Variants in CNTN4 observed in about 807,000 individuals in gnomAD.
CNTN4 encodes the protein contactin 4, also known as contactin-4.
CNTN4 carries 77 observed loss-of-function variants against 122.5 expected under a neutral mutation model. That is an observed-to-expected ratio of 0.63 (90% CI 0.52 to 0.76). CNTN4 has a LOEUF of 0.76. Ranked by LOEUF, CNTN4 falls within the 30% of genes least tolerant of loss-of-function variation. The pLI, the probability that CNTN4 is intolerant of heterozygous loss-of-function variation, is 0.00. For synonymous variants in CNTN4, 512 were observed against 447.0 expected, an observed-to-expected ratio of 1.15 and a Z score of -1.83; for missense variants, 1,256 against 1,259.1, an observed-to-expected ratio of 1.00 and a Z score of 0.04.
chr3:3,010,164 C>T (rs1320695832), intron 14 of CNTN4, among the ~76,000 whole-genome samples: 1 of 151,900 alleles, frequency 6.6e-6, no homozygotes, highest in Admixed American at 6.6e-5. Context: ...AAGTAAAATC[C>T]CAGAATACTT....
At chr3:2,310,171 G>A (rs2042861886) in intron 2 of CNTN4, among the ~76,000 whole-genome samples, 1 of 152,084 alleles carries the variant, frequency 6.6e-6, no homozygotes, top group Non-Finnish European at 1.5e-5. Flanking sequence ...TACGATAAGG[G>A]GAAAGAGTAT....
At chr3:3,007,918 A>T (rs930323055) in intron 14 of CNTN4, among the ~76,000 whole-genome samples, 2 of 152,224 alleles carry the variant, frequency 1.3e-5, no homozygotes, top group Non-Finnish European at 2.9e-5. Context: ...AAGCAAGGAC[A>T]CATGTCAACA....
At chr3:2,879,476 G>A (rs1475893495) in intron 8 of CNTN4, among the ~76,000 whole-genome samples, 1 of 152,218 alleles carries the variant, frequency 6.6e-6, no homozygotes, top group Non-Finnish European at 1.5e-5. Flanking sequence ...GAAGGAAAAT[G>A]TGGCATATCC....
intron 4 of CNTN4, among the ~76,000 whole-genome samples, chr3:2,726,140 CTCT>C (rs1246931679): frequency 1.3e-5 from 2 of 152,066 alleles, no homozygotes; most frequent in Non-Finnish European, 2.9e-5. Context: ...TTTTTAGGTT[CTCT>C]CTCTCTATGT....
intron 4 of CNTN4, among the ~76,000 whole-genome samples, chr3:2,708,269 A>G (rs1308506766): frequency 2.0e-5 from 3 of 152,168 alleles, no homozygotes; most frequent in African/African-American, 7.2e-5. Context: ...TGATGACAAG[A>G]TATCTTCATT....
intron 2 of CNTN4, among the ~76,000 whole-genome samples, chr3:2,267,197 A>C (rs184075533): frequency 6.6e-6 from 1 of 152,084 alleles, no homozygotes; most frequent in Non-Finnish European, 1.5e-5. Context: ...AGCCACTGAA[A>C]GAACTATTTC....
Position 3,030,980 on chromosome 3 carries a change from T to C in CNTN4, c.1783+5T>C. On this transcript the variant is annotated splice_donor_5th_base_variant and intron_variant, in intron 16 of 24. Coordinates refer to ENST00000418658, the MANE Select transcript of CNTN4 (RefSeq NM_175607.3). Reference sequence around the variant, plus strand: ...CTGCAGACCTGATTGTAAGAGGTACTGGATTTTGTTGTTATTGTTGTTCTT... The same window carrying C: ...CTGCAGACCTGATTGTAAGAGGTACCGGATTTTGTTGTTATTGTTGTTCTT... 6.2e-7 allele frequency: 1 copy of C among 1,614,024 alleles called. No individual in the cohort carries two copies. Among genetic ancestry groups the C allele is most frequent in the Non-Finnish European group, 8.5e-7 (1 of 1,179,870 alleles).
chr3:2,427,684 C>G lies in CNTN4; in HGVS notation c.-89+88451C>G, dbSNP rs556434191. On this transcript the variant is annotated intron_variant, in intron 3 of 24. Coordinates refer to ENST00000418658, the MANE Select transcript of CNTN4 (RefSeq NM_175607.3). The stretch of plus-strand genomic sequence containing the variant: ...ATTGACAGTGGGGTGTTAAAGTCTC[C>G]CATTATTATTGTGTGGATGTCTAAG... Among the ~76,000 whole-genome samples, 17 of 150,266 alleles carry G rather than the reference C, an allele frequency of 1.1e-4. No individual in the cohort carries two copies. In the South Asian group the frequency reaches 3.5e-3, roughly 31 times the overall value.
chr3:2,874,727 G>T (rs1460023168), intron 8 of CNTN4, among the ~76,000 whole-genome samples: 2 of 152,146 alleles, frequency 1.3e-5, no homozygotes, highest in African/African-American at 4.8e-5. Context: ...TAAGGGTGAA[G>T]AAACCGGGCC....
At chr3:2,857,668 C>G (rs11921188) in intron 7 of CNTN4, among the ~76,000 whole-genome samples, 1 of 152,126 alleles carries the variant, frequency 6.6e-6, no homozygotes, top group Non-Finnish European at 1.5e-5. Context: ...GCCTTGACCT[C>G]CTGGGCGCAA....
intron 4 of CNTN4, among the ~76,000 whole-genome samples, chr3:2,577,913 A>G (rs1478434322): frequency 6.6e-6 from 1 of 152,196 alleles, no homozygotes; most frequent in Admixed American, 6.5e-5. Context: ...AACTTCAGCA[A>G]TTATCTCTTT....
intron 4 of CNTN4, among the ~76,000 whole-genome samples, chr3:2,598,935 T>C (rs1441117490): frequency 6.6e-6 from 1 of 152,224 alleles, no homozygotes; most frequent in Non-Finnish European, 1.5e-5. Flanking sequence ...AGAAGATTGT[T>C]ATTTTTTACT....
chr3:2,194,717 AG>A (rs1444895722), intron 2 of CNTN4, among the ~76,000 whole-genome samples: 4 of 152,194 alleles, frequency 2.6e-5, no homozygotes, highest in African/African-American at 9.6e-5. Context: ...ATTGACAGGC[AG>A]GCAAAATGCC....
At chr3:2,289,957 G>A (rs1457269724) in intron 2 of CNTN4, among the ~76,000 whole-genome samples, 1 of 151,816 alleles carries the variant, frequency 6.6e-6, no homozygotes, top group African/African-American at 2.4e-5. Flanking sequence ...CAGGGTTACA[G>A]AATGTTCATT....
At chr3:2,781,054 A>G (rs2149852498) in intron 6 of CNTN4, among the ~76,000 whole-genome samples, 1 of 152,294 alleles carries the variant, frequency 6.6e-6, no homozygotes, top group African/African-American at 2.4e-5. Flanking sequence ...TAGAAATGGG[A>G]AAAATAAAAA....
chr3:3,019,169 A>G (rs1698042043), intron 14 of CNTN4, among the ~76,000 whole-genome samples: 1 of 152,208 alleles, frequency 6.6e-6, no homozygotes, highest in Non-Finnish European at 1.5e-5. Flanking sequence ...TTTGACAACC[A>G]TCATAAAAGC....
chr3:2,915,868 G>C (rs904703565), intron 12 of CNTN4, among the ~76,000 whole-genome samples: 1 of 152,168 alleles, frequency 6.6e-6, no homozygotes, highest in African/African-American at 2.4e-5. Context: ...TATTATTTCT[G>C]TTATGTATTA....
chr3:2,842,790 G>T (rs200397883), intron 7 of CNTN4, among the ~76,000 whole-genome samples: 6 of 152,026 alleles, frequency 3.9e-5, no homozygotes, highest in Non-Finnish European at 8.8e-5. Context: ...TGTGGCTTTT[G>T]GGCTATAACT....
intron 12 of CNTN4, among the ~76,000 whole-genome samples, chr3:2,920,052 C>T (rs1004925427): frequency 2.8e-4 from 43 of 152,036 alleles, no homozygotes; most frequent in Admixed American, 1.6e-3. Context: ...AAATGGCTCC[C>T]GTGCTCAAAG....
Sources: allele counts gnomAD v4.1 joint callset (sites outside exome capture counted in the v4.1 genomes callset), GRCh38; gene constraint gnomAD v4.1.1; transcripts MANE v1.5; gene names NCBI Gene and HGNC (gene_info 2026-07-23, HGNC 2026-07-21).